Variants in B3GAT2 observed in about 807,000 individuals in gnomAD.
The protein encoded by B3GAT2 is beta-1,3-glucuronyltransferase 2.
Under a neutral mutation model 27.8 loss-of-function variants are expected in B3GAT2, and 26 were observed. That is an observed-to-expected ratio of 0.93 (90% CI 0.68 to 1.30). The LOEUF (loss-of-function observed/expected upper bound fraction) is 1.30. Among genes scored for constraint, B3GAT2 ranks in the 50% most tolerant of loss-of-function variants. The probability of loss-of-function intolerance (pLI) is 0.00; values close to 1 mark genes in which losing one functional copy is unlikely to be tolerated. For synonymous variants in B3GAT2, 218 were observed against 195.1 expected, an observed-to-expected ratio of 1.12 and a Z score of -0.98; for missense variants, 458 against 459.0, an observed-to-expected ratio of 1.00 and a Z score of 0.02.
intron 1 of B3GAT2, among the ~76,000 whole-genome samples, chr6:70,923,730 G>A (rs1772908859): frequency 6.6e-6 from 1 of 152,022 alleles, no homozygotes; most frequent in South Asian, 2.1e-4. Context: ...AGAAAACCCT[G>A]TATTATTTTG....
At chr6:70,904,808 C>G (rs540566576) in intron 1 of B3GAT2, among the ~76,000 whole-genome samples, 2 of 152,252 alleles carry the variant, frequency 1.3e-5, no homozygotes, top group African/African-American at 2.4e-5. Flanking sequence ...ACAAAATATT[C>G]TCATTGTCTC....
intron 2 of B3GAT2, among the ~76,000 whole-genome samples, chr6:70,864,448 G>A (rs2150021243): frequency 6.6e-6 from 1 of 152,274 alleles, no homozygotes; most frequent in South Asian, 2.1e-4. Flanking sequence ...TCCTTTCCTG[G>A]TGTCACTAGA....
chr6:70,882,450 G>A (rs1470810173), intron 2 of B3GAT2, among the ~76,000 whole-genome samples: 2 of 152,096 alleles, frequency 1.3e-5, no homozygotes, highest in Non-Finnish European at 2.9e-5. Context: ...GCAGTGAGCC[G>A]AGATCATGCC....
At chr6:70,942,048 C>T (rs757244866) in intron 1 of B3GAT2, among the ~76,000 whole-genome samples, 4 of 152,038 alleles carry the variant, frequency 2.6e-5, no homozygotes, top group Non-Finnish European at 5.9e-5. Context: ...ATCAATTTAC[C>T]ACCCACCTTA....
chr6:70,947,723 T>A (rs971791789), intron 1 of B3GAT2, among the ~76,000 whole-genome samples: 1 of 151,670 alleles, frequency 6.6e-6, no homozygotes, highest in African/African-American at 2.4e-5. Flanking sequence ...CCTCCCTAAC[T>A]CATTTTATGA....
chr6:70,890,744 C>A (rs1485163434), intron 2 of B3GAT2, among the ~76,000 whole-genome samples: 1 of 152,142 alleles, frequency 6.6e-6, no homozygotes, highest in South Asian at 2.1e-4. Context: ...GGGTCTGCAC[C>A]AACTCCAGGT....
chr6:70,856,722 C>A lies in B3GAT2; in HGVS notation c.*4941G>T. On this transcript the variant is annotated 3_prime_UTR_variant, in exon 4 of 4. Transcript: ENST00000230053. The stretch of plus-strand genomic sequence containing the variant: ...TATGGGCTTGGGCTTGTAAGTGATC[C>A]TCTTGAATGGCACCATTTTACCTTC... 2.5e-6 allele frequency: 2 copies of A among 804,196 alleles called. No homozygotes were observed. Among genetic ancestry groups the A allele is most frequent in the South Asian group, 2.5e-5 (1 of 40,680 alleles). The allele number at this position is 804,196 out of a possible 1,614,324, so 49.8% of individuals were successfully genotyped here.
intron 1 of B3GAT2, 136 bp downstream of exon 1, chr6:70,955,703 G>A: frequency 1.9e-6 from 2 of 1,075,492 alleles, no homozygotes; most frequent in Non-Finnish European, 2.5e-6. Context: ...GGCTCCACTC[G>A]GTGCCCCGAA....
At chr6:70,879,092 G>A (rs1772059468) in intron 2 of B3GAT2, among the ~76,000 whole-genome samples, 1 of 152,076 alleles carries the variant, frequency 6.6e-6, no homozygotes, top group Non-Finnish European at 1.5e-5. Context: ...TGCCACTTTT[G>A]TTGCTTACTA....
intron 1 of B3GAT2, among the ~76,000 whole-genome samples, chr6:70,953,245 A>G (rs972147329): frequency 1.3e-5 from 2 of 152,220 alleles, no homozygotes; most frequent in African/African-American, 4.8e-5. Context: ...TCAATGTTTT[A>G]TCTGGTCCTA....
intron 2 of B3GAT2, among the ~76,000 whole-genome samples, chr6:70,886,044 G>C (rs17708000): frequency 0.019 from 2,833 of 152,340 alleles, 30 homozygotes; most frequent in Middle Eastern, 0.037. Flanking sequence ...TTCACCAAGT[G>C]TCTACAATGT....
intron 2 of B3GAT2, among the ~76,000 whole-genome samples, chr6:70,871,809 T>A (rs1425219989): frequency 6.6e-6 from 1 of 151,964 alleles, no homozygotes; most frequent in Non-Finnish European, 1.5e-5. Flanking sequence ...TTTGAGATCT[T>A]TCTTCTTTTT....
At position 70,860,716 on chromosome 6, in the gene B3GAT2, A is replaced by AATC. The variant is rs1270072602; in HGVS notation, c.*944_*946dup. Reference sequence around the variant, plus strand: ...AAACCCCACCCCAAAATTAGCCAGTAATCCTGTAGGAAGGTACTGTATGAT... The same window carrying AATC: ...AAACCCCACCCCAAAATTAGCCAGTAATCATCCTGTAGGAAGGTACTGTATGAT... On this transcript the variant is annotated 3_prime_UTR_variant, in exon 4 of 4. Transcript: ENST00000230053. 2 of 403,396 alleles carry AATC rather than the reference A, an allele frequency of 5.0e-6. No individual in the cohort carries two copies. The highest frequency in any genetic ancestry group is 4.1e-5 in the African/African-American group (2 of 48,688). 25.0% of individuals were successfully genotyped at this position (403,396 alleles called of 1,614,324 possible).
chr6:70,862,021 G>C (rs570483837), intron 2 of B3GAT2, 43 bp from the exon 3 acceptor site: 32 of 1,524,372 alleles, frequency 2.1e-5, no homozygotes, highest in Middle Eastern at 1.9e-4. Context: ...TAAAATCCTG[G>C]TGTACTTCTC....
At chr6:70,937,718 A>C (rs1313519579) in intron 1 of B3GAT2, among the ~76,000 whole-genome samples, 2 of 151,650 alleles carry the variant, frequency 1.3e-5, no homozygotes, top group African/African-American at 4.8e-5. Context: ...CATGCTAAAA[A>C]CTCTCAATAA....
intron 1 of B3GAT2, among the ~76,000 whole-genome samples, chr6:70,931,173 G>A (rs1432674563): frequency 2.6e-5 from 4 of 152,054 alleles, no homozygotes; most frequent in African/African-American, 9.7e-5. Flanking sequence ...ATCACACACT[G>A]GGGCCTGTAG....
At chr6:70,894,953 G>C (rs1440880102) in intron 1 of B3GAT2, among the ~76,000 whole-genome samples, 1 of 152,202 alleles carries the variant, frequency 6.6e-6, no homozygotes, top group Non-Finnish European at 1.5e-5. Context: ...ATTTCTTTAA[G>C]GGGAAAGAGA....
In B3GAT2 at chr6:70,894,191, C is replaced by A. The variant is rs773823914; in HGVS notation, c.673G>T (p.Gly225Cys). 1 of 1,613,712 alleles carries A rather than the reference C, an allele frequency of 6.2e-7. No homozygotes were observed. ...RRYERPLVENGKVVGWYTGWR... is the reference protein window; with the variant it reads ...RRYERPLVENCKVVGWYTGWR... The stretch of plus-strand genomic sequence containing the variant: ...CCGGTGTACCAGCCAACAACTTTGC[C>A]GTTTTCCACCAGCGGACGTTCGTAG... The change falls in exon 2 of 4, where the codon GGC becomes TGC. Residue 225 changes from glycine to cysteine, a missense_variant. Transcript: ENST00000230053.
intron 2 of B3GAT2, 82 bp from the exon 3 acceptor site, chr6:70,862,060 A>AAAAC (rs1184594089): frequency 1.5e-6 from 2 of 1,351,714 alleles, no homozygotes; most frequent in Non-Finnish European, 2.0e-6. Context: ...TGGTCACATC[A>AAAAC]AAACAGTTTT....
Sources: allele counts gnomAD v4.1 joint callset (sites outside exome capture counted in the v4.1 genomes callset), GRCh38; gene constraint gnomAD v4.1.1; transcripts MANE v1.5; gene names NCBI Gene and HGNC (gene_info 2026-07-23, HGNC 2026-07-21).